The following TRPC6 variants were observed in gnomAD, a reference collection of about 807,000 sequenced individuals.
TRPC6 encodes transient receptor potential cation channel subfamily C member 6.
TRPC6 carries 55 observed loss-of-function variants against 90.7 expected under a neutral mutation model. The observed-to-expected ratio is 0.61, with a 90% confidence interval of 0.49 to 0.76. The LOEUF is 0.76. Ranked by LOEUF, TRPC6 falls within the 30% of genes least tolerant of loss-of-function variation. TRPC6 has a pLI of 0.00. For synonymous variants in TRPC6, 393 were observed against 393.0 expected (o/e 1.00, Z 0.00); for missense variants, 989 against 1,122.7 (o/e 0.88, Z 1.70).
chr11:101,548,866 T>C (rs1861388574), intron 1 of TRPC6, among the ~76,000 whole-genome samples: 1 of 151,972 alleles, frequency 6.6e-6, no homozygotes, highest in Admixed American at 6.6e-5. Flanking sequence ...AGATATCATA[T>C]AATTTTGCTT....
chr11:101,454,006 T>C (rs1467117895), intron 11 of TRPC6, among the ~76,000 whole-genome samples: 1 of 152,216 alleles, frequency 6.6e-6, no homozygotes, highest in African/African-American at 2.4e-5. Flanking sequence ...TTGTATTTTA[T>C]TTGAAAAGTA....
chr11:101,484,534 A>ATGTT (rs1276017085), intron 4 of TRPC6, among the ~76,000 whole-genome samples: 1 of 151,658 alleles, frequency 6.6e-6, no homozygotes, highest in Non-Finnish European at 1.5e-5. Context: ...GACATTCTGA[A>ATGTT]TGTTAGGCCA....
chr11:101,499,693 ATG>A (rs1860049451), intron 2 of TRPC6, among the ~76,000 whole-genome samples: 2 of 114,070 alleles, frequency 1.8e-5, no homozygotes, highest in African/African-American at 7.1e-5. Context: ...ACAATATAAA[ATG>A]TGTATATATA....
At chr11:101,573,211 C>T (rs1862003144) in intron 1 of TRPC6, among the ~76,000 whole-genome samples, 1 of 152,068 alleles carries the variant, frequency 6.6e-6, no homozygotes, top group Non-Finnish European at 1.5e-5. Flanking sequence ...TTATTCATTT[C>T]ACAAATATTT....
intron 1 of TRPC6, among the ~76,000 whole-genome samples, chr11:101,542,820 A>T (rs1861207331): frequency 6.6e-6 from 1 of 152,096 alleles, no homozygotes; most frequent in South Asian, 2.1e-4. Context: ...TGAACTTCAG[A>T]CTTCAACATA....
At chr11:101,497,193 A>G (rs1026657425) in intron 2 of TRPC6, among the ~76,000 whole-genome samples, 8 of 152,258 alleles carry the variant, frequency 5.3e-5, no homozygotes, top group African/African-American at 1.9e-4. Context: ...ATTATGGACA[A>G]CTTAAATTCT....
chr11:101,570,499 C>T (rs1399166207), intron 1 of TRPC6, among the ~76,000 whole-genome samples: 1 of 152,070 alleles, frequency 6.6e-6, no homozygotes, highest in East Asian at 1.9e-4. Flanking sequence ...TAGAAAAAGA[C>T]AGAATCCTCC....
At chr11:101,559,581 T>C (rs1182171813) in intron 1 of TRPC6, among the ~76,000 whole-genome samples, 2 of 152,126 alleles carry the variant, frequency 1.3e-5, no homozygotes, top group East Asian at 3.8e-4. Flanking sequence ...ATTTCAGTGA[T>C]TTTTCAAAAT....
intron 1 of TRPC6, among the ~76,000 whole-genome samples, chr11:101,546,050 C>CCTTTTTTTTT (rs1861295770): frequency 6.7e-5 from 2 of 29,694 alleles, no homozygotes; most frequent in African/African-American, 2.6e-4. Flanking sequence ...ATTTATAACT[C>CCTTTTTTTTT]TTTTTTTTTT....
At chr11:101,491,989 C>CG (rs1365132592) in intron 2 of TRPC6, among the ~76,000 whole-genome samples, 2 of 151,408 alleles carry the variant, frequency 1.3e-5, no homozygotes, top group African/African-American at 4.9e-5. Flanking sequence ...TACAGGCGCC[C>CG]GCCACCACGC....
intron 1 of TRPC6, among the ~76,000 whole-genome samples, chr11:101,571,690 G>A (rs1291427035): frequency 6.6e-6 from 1 of 152,086 alleles, no homozygotes; most frequent in African/African-American, 2.4e-5. Context: ...CAACAGAACA[G>A]AACAGAGGCC....
chr11:101,463,901 G>A (rs907039505), intron 10 of TRPC6, among the ~76,000 whole-genome samples: 5 of 152,058 alleles, frequency 3.3e-5, no homozygotes, highest in African/African-American at 1.2e-4. Flanking sequence ...TGATGTTAGG[G>A]TGTCAATTTT....
At chr11:101,486,207 T>C (rs1859676254) in intron 4 of TRPC6, among the ~76,000 whole-genome samples, 1 of 152,152 alleles carries the variant, frequency 6.6e-6, no homozygotes, top group Admixed American at 6.6e-5. Flanking sequence ...AGAATTGTAT[T>C]TCTCTTCAAA....
intron 2 of TRPC6, among the ~76,000 whole-genome samples, chr11:101,493,286 T>C (rs985084904): frequency 6.6e-6 from 1 of 152,124 alleles, no homozygotes; most frequent in Non-Finnish European, 1.5e-5. Context: ...TCTCATAATG[T>C]TTTTAGAAAA....
chr11:101,525,580 T>C (rs1436503789), intron 1 of TRPC6, among the ~76,000 whole-genome samples: 1 of 152,174 alleles, frequency 6.6e-6, no homozygotes, highest in Non-Finnish European at 1.5e-5. Context: ...AAGAGACTAT[T>C]CTAGAACTTG....
At chr11:101,543,072 C>A (rs1429662696) in intron 1 of TRPC6, among the ~76,000 whole-genome samples, 1 of 152,024 alleles carries the variant, frequency 6.6e-6, no homozygotes, top group African/African-American at 2.4e-5. Flanking sequence ...AGAATTCTTA[C>A]AACTCAATTA....
intron 2 of TRPC6, among the ~76,000 whole-genome samples, chr11:101,502,056 T>C (rs1160641628): frequency 2.0e-5 from 3 of 152,034 alleles, no homozygotes; most frequent in Non-Finnish European, 4.4e-5. Context: ...ATGGAGCAAA[T>C]AGGGAAGCAC....
At chr11:101,458,672 T>G (rs193151651) in intron 10 of TRPC6, among the ~76,000 whole-genome samples, 1 of 152,250 alleles carries the variant, frequency 6.6e-6, no homozygotes, top group African/African-American at 2.4e-5. Flanking sequence ...CAACCACCAG[T>G]CAGTGACCTT....
At chr11:101,493,046 A>G (rs1004749005) in intron 2 of TRPC6, among the ~76,000 whole-genome samples, 2 of 152,196 alleles carry the variant, frequency 1.3e-5, no homozygotes, top group Non-Finnish European at 2.9e-5. Flanking sequence ...TCATGCTTCT[A>G]TAAGGCATCA....
Sources: allele counts gnomAD v4.1 joint callset (sites outside exome capture counted in the v4.1 genomes callset), GRCh38; gene constraint gnomAD v4.1.1; transcripts MANE v1.5; gene names NCBI Gene and HGNC (gene_info 2026-07-23, HGNC 2026-07-21).